SLC8A2: variants seen among roughly 807,000 people sequenced by gnomAD.
SLC8A2 encodes solute carrier family 8 member A2.
Under a neutral mutation model 70.2 loss-of-function variants are expected in SLC8A2, and 14 were observed. That is an observed-to-expected ratio of 0.20 (90% CI 0.13 to 0.31). The LOEUF (loss-of-function observed/expected upper bound fraction) is 0.31. Ranked by LOEUF, SLC8A2 falls within the 10% of genes least tolerant of loss-of-function variation. The probability of loss-of-function intolerance (pLI) is 1.00; values close to 1 mark genes in which losing one functional copy is unlikely to be tolerated. For missense variants in SLC8A2, 779 were observed against 1,320.1 expected (o/e 0.59, Z 6.35); for synonymous variants, 575 against 594.3 (o/e 0.97, Z 0.47).
At chr19:47,438,173 C>A (rs1967055305) in intron 6 of SLC8A2, among the ~76,000 whole-genome samples, 200 bp from the exon 7 acceptor site, 1 of 152,138 alleles carries the variant, frequency 6.6e-6, no homozygotes, top group Admixed American at 6.6e-5. Context: ...GGTTCATGAT[C>A]TTTAGTTGGT....
rs529062406 is a variant in SLC8A2 at position 47,457,190 on chromosome 19, C to A, written c.1080G>T (p.Leu360=). 4 of 1,545,302 alleles carry A rather than the reference C, an allele frequency of 2.6e-6. No individual in the cohort carries two copies. The East Asian group carries it at 7.4e-5, about 29-fold the overall frequency. ...GCAGCACGTTCCCGGCGCCGGTCAT[C>A]AGCCGCGTGGCCTGGATGCGGTAGA... is the stretch of plus-strand genomic sequence containing the variant. The part of the protein sequence containing the change: ...RAFYRIQATR[L]MTGAGNVLRR... Residue 360 remains leucine, a synonymous_variant, in exon 3 of 10, where the codon CTG becomes CTT. Transcript: ENST00000236877.
At chr19:47,449,567 G>A (rs745310606) in intron 3 of SLC8A2, among the ~76,000 whole-genome samples, 1 of 152,102 alleles carries the variant, frequency 6.6e-6, no homozygotes, top group African/African-American at 2.4e-5. Flanking sequence ...CAAAAGATCC[G>A]CCTGTCTTGG....
At chr19:47,449,916 C>T (rs948842419) in intron 3 of SLC8A2, among the ~76,000 whole-genome samples, 2 of 152,064 alleles carry the variant, frequency 1.3e-5, no homozygotes, top group Non-Finnish European at 2.9e-5. Context: ...AGGAGGGACA[C>T]GAGCTGGCTT....
chr19:47,466,292 T>G lies in SLC8A2; in HGVS notation c.112A>C (p.Thr38Pro). Residue 38 changes from threonine (T) to proline (P), a missense_variant, in exon 2 of 10, where the codon ACC (threonine) becomes CCC (proline). Transcript: ENST00000236877. This position sits in a 1 kb window ranked among gnomAD's most constrained non-coding sequence, Gnocchi z 6.9. ...LPPPPANDSD[T>P]STGGCQGSYR... ...GACCCCTGGCAGCCCCCTGTGCTGGTGTCGCTGTCATTGGCCGGGGGAGGC... is the reference window on the plus strand; with the variant it reads ...GACCCCTGGCAGCCCCCTGTGCTGGGGTCGCTGTCATTGGCCGGGGGAGGC... 1 of 1,528,280 alleles carries G rather than the reference T, an allele frequency of 6.5e-7. No homozygotes were observed. The allele number at this position is 1,528,280 out of a possible 1,614,324, so 94.7% of individuals were successfully genotyped here.
intron 2 of SLC8A2, among the ~76,000 whole-genome samples, chr19:47,463,196 G>T (rs903056109): frequency 2.6e-5 from 4 of 151,318 alleles, no homozygotes; most frequent in East Asian, 2.0e-4. Flanking sequence ...GCAGCGGCGC[G>T]ATCTTGGCGC....
chr19:47,462,351 G>A (rs549111353), intron 2 of SLC8A2, among the ~76,000 whole-genome samples: 6 of 151,484 alleles, frequency 4.0e-5, no homozygotes, highest in Admixed American at 3.3e-4. Flanking sequence ...CGCAACCTCC[G>A]CCTCCCGGGT....
Position 47,447,942 on chromosome 19 carries a change from G to T in SLC8A2, c.1630C>A (p.Arg544Ser), listed in dbSNP as rs1967188343. 2 of 1,562,062 alleles carry T rather than the reference G, an allele frequency of 1.3e-6. No homozygotes were observed. The highest frequency in any genetic ancestry group is 1.4e-5 in the African/African-American group (1 of 73,688). ...VSECMGTVDV[R>S]VVRSSGARGT... is the part of the protein sequence containing the mutation. ...CGCGCGCCCGAGCTGCGCACGACGC[G>T]CACGTCCACGGTGCCCATGCACTCG... The change falls in exon 4 of 10, where the codon CGC becomes AGC. Residue 544 changes from arginine to serine, a missense_variant. Transcript: ENST00000236877. The surrounding 1 kb of genome is among the most constrained non-coding windows in gnomAD (Gnocchi z 5.1).
Position 47,429,817 on chromosome 19 carries a change from C to T in SLC8A2, c.*272G>A, listed in dbSNP as rs1966926827. 1 of 538,398 alleles carries T rather than the reference C, an allele frequency of 1.9e-6. No individual in the cohort carries two copies. 33.4% of individuals were successfully genotyped at this position (538,398 alleles called of 1,614,324 possible). On this transcript the variant is annotated 3_prime_UTR_variant, in exon 10 of 10. Transcript: ENST00000236877. ...GGGAGGGGACTGGGGTGGAAATTTCCCCAGGGATATAGACGGTCACCAACA... is the reference window on the plus strand; with the variant it reads ...GGGAGGGGACTGGGGTGGAAATTTCTCCAGGGATATAGACGGTCACCAACA...
At chr19:47,470,378 C>T (rs1967519533) in intron 1 of SLC8A2, among the ~76,000 whole-genome samples, 1 of 151,950 alleles carries the variant, frequency 6.6e-6, no homozygotes, top group Non-Finnish European at 1.5e-5. Flanking sequence ...CACACACACA[C>T]ACACACACAC....
chr19:47,445,759 G>A (rs868797894), intron 4 of SLC8A2, among the ~76,000 whole-genome samples: 1 of 152,184 alleles, frequency 6.6e-6, no homozygotes. Context: ...GGGCCGTAAG[G>A]TTGCAGCAGC....
intron 1 of SLC8A2, among the ~76,000 whole-genome samples, chr19:47,471,008 A>G (rs1967530649): frequency 6.6e-6 from 1 of 151,792 alleles, no homozygotes; most frequent in Non-Finnish European, 1.5e-5. Flanking sequence ...AGGGGCGGAG[A>G]CAAAGGTGTG....
intron 3 of SLC8A2, among the ~76,000 whole-genome samples, chr19:47,450,289 G>T (rs753007475): frequency 4.6e-5 from 7 of 152,160 alleles, no homozygotes; most frequent in Non-Finnish European, 7.3e-5. Flanking sequence ...TTGGGAGGCT[G>T]AAGTGAATGG....
intron 3 of SLC8A2, among the ~76,000 whole-genome samples, chr19:47,452,445 AGTGTGTGTGTGTGTGT>A (rs1158828688): frequency 1.3e-4 from 7 of 54,060 alleles, no homozygotes; most frequent in Non-Finnish European, 2.2e-4. Context: ...AGAGAGAGAG[AGTGTGTGTGTGTGTGT>A]GTGTGTGTGT....
In SLC8A2 at chr19:47,437,355, G is replaced by A. The variant is rs926309591; in HGVS notation, c.2110+107C>T. The A allele has an allele frequency of 2.5e-5, 21 of 832,666 alleles. No homozygotes were observed. In the Admixed American group the frequency reaches 3.0e-4, roughly 12 times the overall value. The allele number at this position is 832,666 out of a possible 1,614,324, so 51.6% of individuals were successfully genotyped here. ...CAGGATTCCAGGCATGAGCCACCGC[G>A]CCCGGCCTGTTTATCTTTGTGCCTG... On this transcript the variant is annotated intron_variant, in intron 8 of 9. Transcript: ENST00000236877.
chr19:47,456,076 C>T (rs190722266), intron 3 of SLC8A2, among the ~76,000 whole-genome samples: 4 of 152,318 alleles, frequency 2.6e-5, no homozygotes, highest in Admixed American at 1.3e-4. Flanking sequence ...CCATGGTACA[C>T]CCATTGGCAT....
At chr19:47,454,043 G>A (rs1967275145) in intron 3 of SLC8A2, among the ~76,000 whole-genome samples, 1 of 152,206 alleles carries the variant, frequency 6.6e-6, no homozygotes, top group South Asian at 2.1e-4. Flanking sequence ...CTACCTGGGA[G>A]GCTGAGATGG....
chr19:47,447,674 C>T lies in SLC8A2; in HGVS notation c.1763+135G>A. On this transcript the variant is annotated intron_variant, in intron 4 of 9. Transcript: ENST00000236877. The surrounding 1 kb of genome is among the most constrained non-coding windows in gnomAD (Gnocchi z 5.1). The stretch of plus-strand genomic sequence containing the variant: ...ACGTTGCGGGCACGGCCACGCAGGC[C>T]CCTCCCCTCCCGAGGCCCAACCAAG... 3 of 937,620 alleles carry T rather than the reference C, an allele frequency of 3.2e-6. No homozygotes were observed. Among genetic ancestry groups the T allele is most frequent in the South Asian group, 1.8e-5 (1 of 54,574 alleles). The allele number at this position is 937,620 out of a possible 1,614,324, so 58.1% of individuals were successfully genotyped here. A position where few individuals can be genotyped will look rare whatever the true frequency, so the allele number is the denominator to read the frequency against.
intron 4 of SLC8A2, among the ~76,000 whole-genome samples, chr19:47,443,531 G>A (rs181193185): frequency 5.9e-5 from 9 of 152,138 alleles, no homozygotes; most frequent in African/African-American, 1.9e-4. Context: ...ACACCCACAC[G>A]CCATCACACC....
chr19:47,448,788 G>C lies in SLC8A2; in HGVS notation c.1341-557C>G, dbSNP rs1315943148. On this transcript the variant is annotated intron_variant, in intron 3 of 9. Coordinates refer to ENST00000236877, the MANE Select transcript of SLC8A2 (RefSeq NM_015063.3). The surrounding 1 kb of genome is among the most constrained non-coding windows in gnomAD (Gnocchi z 4.8). Reference sequence around the variant, plus strand: ...TGGCAGGGATATAGGACCCAGAAAGGACTCTGTCATTCCTCTGATAAAAAC... The same window carrying C: ...TGGCAGGGATATAGGACCCAGAAAGCACTCTGTCATTCCTCTGATAAAAAC... 2.0e-5 allele frequency among the ~76,000 whole-genome samples: 3 copies of C among 152,164 alleles called. No homozygotes were observed. Among genetic ancestry groups the C allele is most frequent in the Non-Finnish European group, 4.4e-5 (3 of 68,036 alleles).
Sources: gnomAD v4.1 joint callset for allele counts (sites outside exome capture counted in the v4.1 genomes callset) on GRCh38, gnomAD v4.1.1 for gene constraint, Gnocchi (gnomAD v3.1) non-coding constraint, MANE v1.5 for transcripts, NCBI Gene and HGNC (gene_info 2026-07-23, HGNC 2026-07-21) for gene names.